Variants in ALDOC observed in about 807,000 individuals in gnomAD.
ALDOC encodes fructose-bisphosphate aldolase C.
In ALDOC, 23 loss-of-function variants were observed where a neutral mutation model predicts 39.5. The observed-to-expected ratio is 0.58, with a 90% CI of 0.42 to 0.82. The LOEUF (loss-of-function observed/expected upper bound fraction) is 0.82, where lower values mean the gene tolerates loss of function less well. Among genes scored for constraint, ALDOC ranks in the 40% least tolerant of loss-of-function variants. The pLI is 0.00. For synonymous variants in ALDOC, 160 were observed against 182.6 expected (o/e 0.88, Z 1.00); for missense variants, 356 against 479.1 (o/e 0.74, Z 2.40).
chr17:28,576,886 T>C lies in ALDOC; in HGVS notation c.-98A>G. 2.0e-6 allele frequency: 2 copies of C among 985,510 alleles called. No individual in the cohort carries two copies. Among genetic ancestry groups the C allele is most frequent in the Non-Finnish European group, 2.4e-6 (2 of 830,016 alleles). The allele number at this position is 985,510 out of a possible 1,614,324, so 61.0% of individuals were successfully genotyped here. On this transcript the variant is annotated 5_prime_UTR_variant, in exon 1 of 9. Transcript: ENST00000226253. ...AGATGAGGCTGCAGCCCTGGCTCCC[T>C]CTGGTAAATGAGGCTGCGGATGTCG...
At position 28,574,765 on chromosome 17, in the gene ALDOC, ACGCT is replaced by A; in HGVS notation, c.467_470del (p.Glu156ValfsTer61). ...CCAGAATGGCAAGTGCAGAGGGTGT[ACGCT>A]CACTGATTTTCAGCACACAGCGCCA... On this transcript the variant is annotated frameshift_variant, in exon 5 of 9. Transcript: ENST00000226253. LOFTEE classifies it high-confidence loss of function. 1 of 1,614,204 alleles carries A rather than the reference ACGCT, an allele frequency of 6.2e-7. No individual in the cohort carries two copies. The highest frequency in any genetic ancestry group is 1.1e-5 in the South Asian group (1 of 91,090).
Position 28,574,232 on chromosome 17 carries a change from C to G in ALDOC, c.634G>C (p.Ala212Pro), listed in dbSNP as rs1290569916. The change falls in exon 7 of 9, where the codon GCT becomes CCT. Residue 212 changes from alanine (A) to proline (P), a missense_variant. Coordinates refer to ENST00000226253, the MANE Select transcript of ALDOC (RefSeq NM_005165.3). The stretch of plus-strand genomic sequence containing the variant: ...TGGTCACTCAGGGCCTTGTACACAG[C>G]AGCCAAGACCTGGGTGGGGATTAGA... ...CQYVTEKVLA[A>P]VYKALSDHHV... 1 of 1,586,888 alleles carries G rather than the reference C, an allele frequency of 6.3e-7. No homozygotes were observed. Among genetic ancestry groups the G allele is most frequent in the Non-Finnish European group, 8.6e-7 (1 of 1,167,836 alleles).
At position 28,573,755 on chromosome 17, in the gene ALDOC, C is replaced by A. The variant is rs140292923; in HGVS notation, c.979G>T (p.Glu327Ter). 2 of 1,614,116 alleles carry A rather than the reference C, an allele frequency of 1.2e-6. No individual in the cohort carries two copies. Among genetic ancestry groups the A allele is most frequent in the Non-Finnish European group, 1.7e-6 (2 of 1,180,052 alleles). Residue 327 changes from glutamate (E) to a stop codon, truncating the protein, a stop_gained, in exon 8 of 9, where the codon GAG becomes TAG. Coordinates refer to ENST00000226253, the MANE Select transcript of ALDOC (RefSeq NM_005165.3). LOFTEE classifies it high-confidence loss of function. The surrounding 1 kb of genome is among the most constrained non-coding windows in gnomAD (Gnocchi z 4.3). ...CCAACCTCAGCCCGCTTGATGAACT[C>A]CTCAGTGGCAGCCCCAGCATTGTCC... ...QRDNAGAATE[E>*]FIKRAEVNGL...
In ALDOC at chr17:28,575,857, A is replaced by T; in HGVS notation, c.-12-313T>A. 1.5e-6 allele frequency: 1 copy of T among 668,850 alleles called. No individual in the cohort carries two copies. Among genetic ancestry groups the T allele is most frequent in the Non-Finnish European group, 2.1e-6 (1 of 485,840 alleles). The allele number at this position is 668,850 out of a possible 1,614,324, so 41.4% of individuals were successfully genotyped here. ...ATCTGCTGCCCAATCAAGGATGCCAACCCTTCTTTCACTGAACTTGGTCCC... is the reference window on the plus strand; with the variant it reads ...ATCTGCTGCCCAATCAAGGATGCCATCCCTTCTTTCACTGAACTTGGTCCC... On this transcript the variant is annotated intron_variant, in intron 1 of 8. Coordinates refer to ENST00000226253, the MANE Select transcript of ALDOC (RefSeq NM_005165.3). This position sits in a 1 kb window ranked among gnomAD's most constrained non-coding sequence, Gnocchi z 4.3.
intron 4 of ALDOC, 35 bp from the exon 5 acceptor site, chr17:28,574,891 C>G (rs557424826): frequency 6.2e-7 from 1 of 1,614,216 alleles, no homozygotes; most frequent in African/African-American, 1.3e-5. Flanking sequence ...TACTCTGCCC[C>G]TCTTTTACCA....
chr17:28,574,664 C>A (rs1373146869), intron 5 of ALDOC, 32 bp downstream of exon 5: 1 of 1,613,774 alleles, frequency 6.2e-7, no homozygotes, highest in East Asian at 2.2e-5. Flanking sequence ...GCATACAGGG[C>A]ACCTAGCTCA....
intron 1 of ALDOC, chr17:28,576,071 C>T: frequency 1.1e-6 from 1 of 884,696 alleles, no homozygotes; most frequent in Non-Finnish European, 1.4e-6. Flanking sequence ...GGCACAAATA[C>T]CAGTCACAGG....
Position 28,573,641 on chromosome 17 carries a change from G to A in ALDOC, c.1000-20C>T. On this transcript the variant is annotated intron_variant, in intron 8 of 8. Transcript: ENST00000226253. The surrounding 1 kb of genome is among the most constrained non-coding windows in gnomAD (Gnocchi z 4.3). The stretch of plus-strand genomic sequence containing the variant: ...ATTCACCTGCAAAAGGGAGCGTGGA[G>A]TAAGCAGGCTGAGCCAGCCCACAGG... The A allele has an allele frequency of 6.2e-7, 1 of 1,614,082 alleles. No homozygotes were observed. The highest frequency in any genetic ancestry group is 1.1e-5 in the South Asian group (1 of 91,088).
At chr17:28,574,392 C>A in intron 6 of ALDOC, 102 bp downstream of exon 6, 1 of 1,471,004 alleles carries the variant, frequency 6.8e-7, no homozygotes, top group South Asian at 1.2e-5. Flanking sequence ...TGAAAAAGTG[C>A]TAGGGGAAAG....
chr17:28,574,104 G>A lies in ALDOC; in HGVS notation c.762C>T (p.Val254=). The A allele has an allele frequency of 6.2e-7, 1 of 1,605,292 alleles. No homozygotes were observed. Among genetic ancestry groups the A allele is most frequent in the South Asian group, 1.1e-5 (1 of 89,456 alleles). ...GGGGCACAGTGCGACGCAGGGCAGT[G>A]ACAGTTGCCATGGCAATCTCCTCTG... is the stretch of plus-strand genomic sequence containing the variant. ...YTPEEIAMAT[V]TALRRTVPPA... The change falls in exon 7 of 9, where the codon GTC becomes GTT. Residue 254 remains valine (V), a synonymous_variant. Transcript: ENST00000226253.
chr17:28,573,852 T>A lies in ALDOC; in HGVS notation c.882A>T (p.Arg294=), dbSNP rs774246308. ...CATAGGAGAAGGTAAGCGCCCAGGGTCGGGGAAGGGGGCAGCGGTTGATGG... is the reference window on the plus strand; with the variant it reads ...CATAGGAGAAGGTAAGCGCCCAGGGACGGGGAAGGGGGCAGCGGTTGATGG... The part of the protein sequence containing the change: ...LNAINRCPLP[R]PWALTFSYGR... The change falls in exon 8 of 9, where the codon CGA becomes CGT. Residue 294 remains arginine, a synonymous_variant. Coordinates refer to ENST00000226253, the MANE Select transcript of ALDOC (RefSeq NM_005165.3). The surrounding 1 kb of genome is among the most constrained non-coding windows in gnomAD (Gnocchi z 4.3). The A allele has an allele frequency of 7.4e-6, 12 of 1,614,086 alleles. No individual in the cohort carries two copies. The South Asian group carries it at 1.1e-4, about 15-fold the overall frequency.
chr17:28,574,029 C>T (rs1399727250), intron 7 of ALDOC, 38 bp downstream of exon 7: 1 of 1,599,298 alleles, frequency 6.3e-7, no homozygotes, highest in Middle Eastern at 1.7e-4. Context: ...TGAAGATGGG[C>T]CTTAGGGATA....
Position 28,574,102 on chromosome 17 carries a change from G to C in ALDOC, c.764C>G (p.Thr255Ser). ...TPEEIAMATV[T>S]ALRRTVPPAV... ...TGGGGGCACAGTGCGACGCAGGGCA[G>C]TGACAGTTGCCATGGCAATCTCCTC... is the stretch of plus-strand genomic sequence containing the variant. The change falls in exon 7 of 9, where the codon ACT (threonine) becomes AGT (serine). Residue 255 changes from threonine (T) to serine (S), a missense_variant. By Grantham distance (58) the Thr-to-Ser change is moderately conservative (BLOSUM62 1). Transcript: ENST00000226253. 6.2e-7 allele frequency: 1 copy of C among 1,604,738 alleles called. No individual in the cohort carries two copies. The highest frequency in any genetic ancestry group is 8.5e-7 in the Non-Finnish European group (1 of 1,175,100).
chr17:28,575,555 G>A lies in ALDOC; in HGVS notation c.-12-11C>T, dbSNP rs762368308. On this transcript the variant is annotated splice_polypyrimidine_tract_variant and intron_variant, in intron 1 of 8. Transcript: ENST00000226253. This position sits in a 1 kb window ranked among gnomAD's most constrained non-coding sequence, Gnocchi z 4.3. Reference sequence around the variant, plus strand: ...CATGGTGACAGCTCCCTGGAGTGGAGACAAGATAAAAAAGCCAGACCTCAC... The same window carrying A: ...CATGGTGACAGCTCCCTGGAGTGGAAACAAGATAAAAAAGCCAGACCTCAC... 8 of 1,612,114 alleles carry A rather than the reference G, an allele frequency of 5.0e-6. No homozygotes were observed. The South Asian group carries it at 8.8e-5, about 18-fold the overall frequency.
rs571124486 is a variant in ALDOC at position 28,573,214 on chromosome 17, A to G, written c.*312T>C. 4.0e-5 allele frequency: 19 copies of G among 478,950 alleles called. No homozygotes were observed. Among genetic ancestry groups the G allele is most frequent in the African/African-American group, 3.3e-4 (17 of 51,352 alleles). 29.7% of individuals were successfully genotyped at this position (478,950 alleles called of 1,614,324 possible). On this transcript the variant is annotated 3_prime_UTR_variant, in exon 9 of 9. Coordinates refer to ENST00000226253, the MANE Select transcript of ALDOC (RefSeq NM_005165.3). The surrounding 1 kb of genome is among the most constrained non-coding windows in gnomAD (Gnocchi z 4.3). ...CTGATCCCAGGAGACAGGGCAGGCA[A>G]GAAGGAGAGCCCAGGGAGAAGCTAC...
Position 28,573,798 on chromosome 17 carries a change from A to T in ALDOC, c.936T>A (p.Asn312Lys). 7 of 1,614,204 alleles carry T rather than the reference A, an allele frequency of 4.3e-6. No individual in the cohort carries two copies. The highest frequency in any genetic ancestry group is 5.9e-6 in the Non-Finnish European group (7 of 1,180,024). ...CATTGTCCCGTTGCCCTCGCCAGGC[A>T]TTGAGTGCAGAGGCTTGCAGGGCAC... ...YGRALQASAL[N>K]AWRGQRDNAG... Residue 312 changes from asparagine to lysine, a missense_variant, in exon 8 of 9, where the codon AAT becomes AAA. Asn to Lys is a moderately conservative substitution (Grantham distance 94, BLOSUM62 0). Transcript: ENST00000226253. This position sits in a 1 kb window ranked among gnomAD's most constrained non-coding sequence, Gnocchi z 4.3.
In ALDOC at chr17:28,575,999, T is replaced by C. The variant is rs752211643; in HGVS notation, c.-12-455A>G. 1.9e-4 allele frequency: 194 copies of C among 1,004,062 alleles called. No individual in the cohort carries two copies. Among genetic ancestry groups the C allele is most frequent in the Non-Finnish European group, 2.3e-4 (193 of 840,410 alleles). 62.2% of individuals were successfully genotyped at this position (1,004,062 alleles called of 1,614,324 possible). Reference sequence around the variant, plus strand: ...TTCAGAATGAGGCAAAAGTACTTATTGCCACCCTCTTCTCTCAGCTTCTAG... The same window carrying C: ...TTCAGAATGAGGCAAAAGTACTTATCGCCACCCTCTTCTCTCAGCTTCTAG... On this transcript the variant is annotated intron_variant, in intron 1 of 8. Coordinates refer to ENST00000226253, the MANE Select transcript of ALDOC (RefSeq NM_005165.3). The surrounding 1 kb of genome is among the most constrained non-coding windows in gnomAD (Gnocchi z 4.3).
chr17:28,573,794 A>G lies in ALDOC; in HGVS notation c.940T>C (p.Trp314Arg). The G allele has an allele frequency of 6.2e-7, 1 of 1,614,196 alleles. No individual in the cohort carries two copies. Among genetic ancestry groups the G allele is most frequent in the Non-Finnish European group, 8.5e-7 (1 of 1,180,024 alleles). Residue 314 changes from tryptophan to arginine, a missense_variant, in exon 8 of 9, where the codon TGG (tryptophan) becomes CGG (arginine). By Grantham distance (101) the Trp-to-Arg change is moderately radical (BLOSUM62 -3). Transcript: ENST00000226253. This position sits in a 1 kb window ranked among gnomAD's most constrained non-coding sequence, Gnocchi z 4.3. ...RALQASALNAWRGQRDNAGAA... is the reference protein window; with the variant it reads ...RALQASALNARRGQRDNAGAA... ...CCAGCATTGTCCCGTTGCCCTCGCC[A>G]GGCATTGAGTGCAGAGGCTTGCAGG...
intron 1 of ALDOC, among the ~76,000 whole-genome samples, 171 bp downstream of exon 1, chr17:28,576,630 A>AC (rs1408152946): frequency 2.0e-5 from 3 of 151,230 alleles, no homozygotes; most frequent in South Asian, 2.1e-4. Flanking sequence ...GAGGGATAGA[A>AC]CAGAAGAGGT....
Sources: allele counts gnomAD v4.1 joint callset (sites outside exome capture counted in the v4.1 genomes callset), GRCh38; gene constraint gnomAD v4.1.1; non-coding constraint Gnocchi (gnomAD v3.1); transcripts MANE v1.5; gene names NCBI Gene and HGNC (gene_info 2026-07-23, HGNC 2026-07-21).